DEUP1: variants seen among roughly 807,000 people sequenced by gnomAD.
DEUP1 encodes coiled-coil domain containing 67.
DEUP1 carries 82 observed loss-of-function variants against 87.4 expected under a neutral mutation model. That is an observed-to-expected ratio of 0.94 (90% confidence interval 0.78 to 1.13). DEUP1 has a LOEUF of 1.13. Among genes scored for constraint, DEUP1 ranks in the 50% most tolerant of loss-of-function variants. The pLI is 0.00. For synonymous variants in DEUP1, 214 were observed against 222.7 expected, an observed-to-expected ratio of 0.96 and a Z score of 0.35; for missense variants, 663 against 681.5, an observed-to-expected ratio of 0.97 and a Z score of 0.30.
chr11:93,358,653 C>T (rs3019225), intron 4 of DEUP1, among the ~76,000 whole-genome samples: 2 of 152,132 alleles, frequency 1.3e-5, no homozygotes, highest in Non-Finnish European at 2.9e-5. Context: ...GCATGATCTC[C>T]CCTCACTGCA....
intron 13 of DEUP1, among the ~76,000 whole-genome samples, chr11:93,433,501 T>C (rs1051362263): frequency 2.8e-4 from 42 of 152,146 alleles, no homozygotes; most frequent in Non-Finnish European, 2.2e-4. Context: ...GCCTGGGCAA[T>C]AGAGCAAGAC....
chr11:93,392,672 A>T (rs964121333), intron 9 of DEUP1, among the ~76,000 whole-genome samples: 10 of 139,966 alleles, frequency 7.1e-5, no homozygotes, highest in African/African-American at 2.5e-4. Flanking sequence ...GGCTACATTT[A>T]AAAAAAAGAG....
chr11:93,429,096 T>A (rs2134496853), intron 13 of DEUP1, among the ~76,000 whole-genome samples: 1 of 152,288 alleles, frequency 6.6e-6, no homozygotes, highest in Non-Finnish European at 1.5e-5. Context: ...GATTTATGGG[T>A]ATCCTTTCTA....
At chr11:93,339,553 C>A (rs1162168025) in intron 2 of DEUP1, among the ~76,000 whole-genome samples, 2 of 152,182 alleles carry the variant, frequency 1.3e-5, no homozygotes, top group Non-Finnish European at 2.9e-5. Context: ...AGAGGCTATC[C>A]ATTTATATTA....
chr11:93,428,971 G>C (rs966404759), intron 13 of DEUP1, among the ~76,000 whole-genome samples: 9 of 152,078 alleles, frequency 5.9e-5, no homozygotes, highest in African/African-American at 2.2e-4. Flanking sequence ...TGTTTCTCTG[G>C]TGAATAATGA....
chr11:93,375,496 G>C (rs1945994809), intron 7 of DEUP1, among the ~76,000 whole-genome samples: 1 of 152,136 alleles, frequency 6.6e-6, no homozygotes, highest in Non-Finnish European at 1.5e-5. Context: ...ATCATAAAAG[G>C]ATGCTGGATT....
Position 93,396,309 on chromosome 11 carries a change from A to G in DEUP1, c.1310A>G (p.Asp437Gly). ...THLKGMMGDL[D>G]PGEYMSMDFT... ...CTAAAAGGAATGATGGGAGATTTAGACCCCGGAGAATACATGGTAATATGC... is the reference window on the plus strand; with the variant it reads ...CTAAAAGGAATGATGGGAGATTTAGGCCCCGGAGAATACATGGTAATATGC... Residue 437 changes from aspartate (D) to glycine (G), a missense_variant, in exon 11 of 14, where the codon GAC becomes GGC. Physicochemically the swap from Asp to Gly is moderately conservative, Grantham distance 94 (BLOSUM62 -1). Coordinates refer to ENST00000298050, the MANE Select transcript of DEUP1 (RefSeq NM_181645.4). 1 of 1,568,438 alleles carries G rather than the reference A, an allele frequency of 6.4e-7. No individual in the cohort carries two copies. Among genetic ancestry groups the G allele is most frequent in the Non-Finnish European group, 8.7e-7 (1 of 1,152,326 alleles).
intron 13 of DEUP1, among the ~76,000 whole-genome samples, chr11:93,427,802 A>C (rs1947972893): frequency 7.0e-6 from 1 of 142,596 alleles, no homozygotes; most frequent in Non-Finnish European, 1.5e-5. Flanking sequence ...AACCCCATCA[A>C]AAAGTCGGCG....
intron 7 of DEUP1, among the ~76,000 whole-genome samples, chr11:93,382,721 A>G (rs1413367487): frequency 6.6e-6 from 1 of 152,234 alleles, no homozygotes; most frequent in East Asian, 1.9e-4. Context: ...CAGGGAGCCC[A>G]CATAGTGCCT....
chr11:93,349,888 A>G (rs1565297998), intron 2 of DEUP1, among the ~76,000 whole-genome samples: 1 of 152,204 alleles, frequency 6.6e-6, no homozygotes, highest in Non-Finnish European at 1.5e-5. Context: ...CAGAGACTCA[A>G]AGGGAGGCAG....
At position 93,370,108 on chromosome 11, in the gene DEUP1, A is replaced by G. The variant is rs1450785556; in HGVS notation, c.468A>G (p.Gln156=). 8 of 1,606,268 alleles carry G rather than the reference A, an allele frequency of 5.0e-6. No individual in the cohort carries two copies. The African/African-American group carries it at 1.1e-4, about 21-fold the overall frequency. Residue 156 remains glutamine, a synonymous_variant, in exon 6 of 14, where the codon CAA becomes CAG. Transcript: ENST00000298050. ...FRAKSREWDK[Q]EILYQTHLIS... ...CAAAGTCAAGAGAATGGGACAAGCA[A>G]GAGATATTATATCAGACTCATCTGA...
At chr11:93,372,621 G>A (rs1945796200) in intron 7 of DEUP1, among the ~76,000 whole-genome samples, 1 of 152,116 alleles carries the variant, frequency 6.6e-6, no homozygotes, top group African/African-American at 2.4e-5. Context: ...GCTTGGTAAG[G>A]GACAGAATTC....
intron 12 of DEUP1, among the ~76,000 whole-genome samples, chr11:93,413,566 A>C (rs1026644449): frequency 6.6e-6 from 1 of 152,142 alleles, no homozygotes; most frequent in Non-Finnish European, 1.5e-5. Flanking sequence ...ATTACATCTA[A>C]ACCTCAGTTT....
At chr11:93,389,998 G>C (rs1591207886) in intron 9 of DEUP1, among the ~76,000 whole-genome samples, 2 of 152,320 alleles carry the variant, frequency 1.3e-5, no homozygotes, top group Middle Eastern at 3.4e-3. Flanking sequence ...CTCCTACAAA[G>C]AGTATGATTC....
At chr11:93,414,897 G>T in intron 12 of DEUP1, 103 bp from the exon 13 acceptor site, 1 of 537,530 alleles carries the variant, frequency 1.9e-6, no homozygotes, top group Non-Finnish European at 3.2e-6. Flanking sequence ...ACATTTTGTT[G>T]TGCTTTCCCC....
At chr11:93,374,345 T>C (rs913619234) in intron 7 of DEUP1, among the ~76,000 whole-genome samples, 11 of 152,210 alleles carry the variant, frequency 7.2e-5, no homozygotes, top group African/African-American at 2.2e-4. Flanking sequence ...GGTCATGAAG[T>C]CTTTGCCTAT....
chr11:93,417,412 A>G (rs1158298996), intron 13 of DEUP1, among the ~76,000 whole-genome samples: 2 of 151,674 alleles, frequency 1.3e-5, no homozygotes, highest in Non-Finnish European at 3.0e-5. Flanking sequence ...CCAAATCATG[A>G]GTGAACTCCC....
chr11:93,383,482 G>T, intron 7 of DEUP1: 1 of 533,684 alleles, frequency 1.9e-6, no homozygotes, highest in South Asian at 3.0e-5. Context: ...AATGGGGAGT[G>T]ACTGTTAATG....
intron 12 of DEUP1, among the ~76,000 whole-genome samples, chr11:93,409,445 CA>C (rs545273357): frequency 6.6e-6 from 1 of 152,100 alleles, no homozygotes; most frequent in Non-Finnish European, 1.5e-5. Flanking sequence ...AAATGCTGAA[CA>C]AAATAAGCAA....
Sources: allele counts gnomAD v4.1 joint callset (sites outside exome capture counted in the v4.1 genomes callset), GRCh38; gene constraint gnomAD v4.1.1; transcripts MANE v1.5; gene names NCBI Gene and HGNC (gene_info 2026-07-23, HGNC 2026-07-21).